The following NUMBL variants were observed in gnomAD, a reference collection of about 807,000 sequenced individuals.
The protein encoded by NUMBL is NUMB like endocytic adaptor protein, also known as numb-like protein.
In NUMBL, 20 loss-of-function variants were observed where a neutral mutation model predicts 48.9. The observed-to-expected ratio is 0.41, with a 90% confidence interval of 0.29 to 0.59. The LOEUF (loss-of-function observed/expected upper bound fraction) is 0.59. NUMBL is among the 20% of genes least tolerant of loss of function. NUMBL has a pLI of 0.31. For missense variants in NUMBL, 660 were observed against 846.2 expected (o/e 0.78, Z 2.73); for synonymous variants, 340 against 348.7 (o/e 0.98, Z 0.28).
At chr19:40,680,854 AG>A (rs1304061955) in intron 6 of NUMBL, 62 bp downstream of exon 6, 42 of 1,575,988 alleles carry the variant, frequency 2.7e-5, no homozygotes, top group Non-Finnish European at 3.6e-5. Context: ...GGAAGCTTGT[AG>A]GGGTGGGGCT....
intron 5 of NUMBL, 45 bp from the exon 6 acceptor site, chr19:40,681,102 T>A: frequency 6.3e-7 from 1 of 1,597,226 alleles, no homozygotes; most frequent in South Asian, 1.1e-5. Flanking sequence ...GAACTCTCTT[T>A]CAAGTGTTCA....
At chr19:40,680,768 T>C (rs2081900857) in intron 6 of NUMBL, 149 bp downstream of exon 6, 7 of 886,722 alleles carry the variant, frequency 7.9e-6, no homozygotes, top group African/African-American at 1.7e-5. Context: ...ATACTCTAAA[T>C]TGGGAACCGT....
In NUMBL at chr19:40,690,497, G is replaced by GC; in HGVS notation, c.-15dup. On this transcript the variant is annotated 5_prime_UTR_variant, in exon 1 of 10. Coordinates refer to ENST00000252891, the MANE Select transcript of NUMBL (RefSeq NM_004756.5). Reference sequence around the variant, plus strand: ...GCTGCGGGACATCCAGGGCCCGGGCGCCCCCGCCTCCCGCGGCCCTGGCTG... The same window carrying GC: ...GCTGCGGGACATCCAGGGCCCGGGCGCCCCCCGCCTCCCGCGGCCCTGGCTG... The GC allele has an allele frequency of 4.7e-6, 6 of 1,277,250 alleles. No homozygotes were observed. Among genetic ancestry groups the GC allele is most frequent in the South Asian group, 5.4e-5 (2 of 37,264 alleles). The allele number at this position is 1,277,250 out of a possible 1,614,324, so 79.1% of individuals were successfully genotyped here. A position where few individuals can be genotyped will look rare whatever the true frequency, so the allele number is the denominator to read the frequency against.
At chr19:40,679,401 G>A (rs766556725) in intron 6 of NUMBL, among the ~76,000 whole-genome samples, 9 of 152,006 alleles carry the variant, frequency 5.9e-5, no homozygotes, top group Admixed American at 1.3e-4. Context: ...AAACATTGCC[G>A]GGCAGGGTGG....
At chr19:40,677,847 A>T (rs912955863) in intron 6 of NUMBL, among the ~76,000 whole-genome samples, 1 of 151,888 alleles carries the variant, frequency 6.6e-6, no homozygotes, top group Non-Finnish European at 1.5e-5. Context: ...GATTCTGTCT[A>T]AAAAAAAGTC....
Position 40,680,900 on chromosome 19 carries a change from G to C in NUMBL, c.540+17C>G, listed in dbSNP as rs768048102. The C allele has an allele frequency of 1.2e-6, 2 of 1,614,058 alleles. No individual in the cohort carries two copies. Among genetic ancestry groups the C allele is most frequent in the African/African-American group, 1.3e-5 (1 of 75,048 alleles). ...GGGCATGGGAGGGAAGAGTTGGCCA[G>C]CTGTGGCAATACTCACGGAGTCCTT... On this transcript the variant is annotated intron_variant, in intron 6 of 9. Transcript: ENST00000252891.
chr19:40,673,758 G>T lies in NUMBL; in HGVS notation c.731-109C>A. 1 of 1,057,352 alleles carries T rather than the reference G, an allele frequency of 9.5e-7. No individual in the cohort carries two copies. The highest frequency in any genetic ancestry group is 1.3e-6 in the Non-Finnish European group (1 of 756,696). The allele number at this position is 1,057,352 out of a possible 1,614,324, so 65.5% of individuals were successfully genotyped here. A position where few individuals can be genotyped will look rare whatever the true frequency, so the allele number is the denominator to read the frequency against. On this transcript the variant is annotated intron_variant, in intron 7 of 9. Coordinates refer to ENST00000252891, the MANE Select transcript of NUMBL (RefSeq NM_004756.5). The surrounding 1 kb of genome is among the most constrained non-coding windows in gnomAD (Gnocchi z 5.9). ...CAAGGCTGCCTTCCTTGCCCAGTGA[G>T]TCCTGCCCTTAAGACAAGCTAGTCA...
At position 40,668,569 on chromosome 19, in the gene NUMBL, G is replaced by A. The variant is rs139645398; in HGVS notation, c.1160-431C>T. Reference sequence around the variant, plus strand: ...TGCCTCCCAGGTTCAAGCAATTCTCGTGCCTCAGTCTCCTGAGTAGCTGGG... The same window carrying A: ...TGCCTCCCAGGTTCAAGCAATTCTCATGCCTCAGTCTCCTGAGTAGCTGGG... On this transcript the variant is annotated intron_variant, in intron 9 of 9. Transcript: ENST00000252891. Among the ~76,000 whole-genome samples, 23 of 152,078 alleles carry A rather than the reference G, an allele frequency of 1.5e-4. No homozygotes were observed. In the East Asian group the frequency reaches 4.5e-3, roughly 29 times the overall value.
Position 40,670,769 on chromosome 19 carries a change from C to G in NUMBL, c.1037-749G>C, listed in dbSNP as rs545075257. On this transcript the variant is annotated intron_variant, in intron 8 of 9. Transcript: ENST00000252891. ...CAATGATTGTGCATGTTCGTCCAAA[C>G]AGGAATGCAGCTTCTGAGAGTGTGA... Among the ~76,000 whole-genome samples the G allele has an allele frequency of 6.6e-5, 10 of 152,272 alleles. 1 individual carries two copies. The highest frequency in any genetic ancestry group is 2.4e-4 in the African/African-American group (10 of 41,548).
At chr19:40,678,783 G>GCCTAC (rs1208027042) in intron 6 of NUMBL, among the ~76,000 whole-genome samples, 1 of 152,166 alleles carries the variant, frequency 6.6e-6, no homozygotes, top group African/African-American at 2.4e-5. Flanking sequence ...GTAGTCCAAT[G>GCCTAC]CCTACAAATT....
Position 40,673,628 on chromosome 19 carries a change from G to A in NUMBL, c.752C>T (p.Thr251Ile). The part of the protein sequence containing the change: ...KKKAEAAAAP[T>I]VAPGPAQPGH... ...AGGCTGGGCAGGGCCAGGAGCCACA[G>A]TGGGGGCAGCTGCTGCCTCTGCTGG... The change falls in exon 8 of 10, where the codon ACT becomes ATT. Residue 251 changes from threonine to isoleucine, a missense_variant. Coordinates refer to ENST00000252891, the MANE Select transcript of NUMBL (RefSeq NM_004756.5). This position sits in a 1 kb window ranked among gnomAD's most constrained non-coding sequence, Gnocchi z 5.9. 1 of 1,500,894 alleles carries A rather than the reference G, an allele frequency of 6.7e-7. No individual in the cohort carries two copies. The highest frequency in any genetic ancestry group is 8.9e-7 in the Non-Finnish European group (1 of 1,120,258). 93.0% of individuals were successfully genotyped at this position (1,500,894 alleles called of 1,614,324 possible).
In NUMBL at chr19:40,668,010, G is replaced by C. The variant is rs1179325911; in HGVS notation, c.1288C>G (p.Gln430Glu). The change falls in exon 10 of 10, where the codon CAG (glutamine) becomes GAG (glutamate). Residue 430 changes from glutamine (Q) to glutamate (E), a missense_variant. Coordinates refer to ENST00000252891, the MANE Select transcript of NUMBL (RefSeq NM_004756.5). The stretch of plus-strand genomic sequence containing the variant: ...TGCTGCTGTTGCTGTTGCTGCTGCT[G>C]CTGCTGCTGGGCCTTGGCCACCTGT... ...VSQVAKAQQQ[Q>E]QQQQQQQQQQ... The C allele has an allele frequency of 6.4e-7, 1 of 1,567,966 alleles. No homozygotes were observed. The highest frequency in any genetic ancestry group is 8.6e-7 in the Non-Finnish European group (1 of 1,156,686).
intron 2 of NUMBL, chr19:40,684,798 C>T: frequency 2.2e-6 from 1 of 461,974 alleles, no homozygotes; most frequent in Non-Finnish European, 3.8e-6. Context: ...AACCATGGGG[C>T]TAAGGGGCTG....
rs2081940673 is a variant in NUMBL at position 40,687,424 on chromosome 19, G to A, written c.25-429C>T. Among the ~76,000 whole-genome samples the A allele has an allele frequency of 6.6e-6, 1 of 152,156 alleles. No homozygotes were observed. Among genetic ancestry groups the A allele is most frequent in the African/African-American group, 2.4e-5 (1 of 41,414 alleles). ...ATACACAGAAACAGTCCCAAACCCAGAAAGCTGCCACTGTAAACATCTGGC... is the reference window on the plus strand; with the variant it reads ...ATACACAGAAACAGTCCCAAACCCAAAAAGCTGCCACTGTAAACATCTGGC... On this transcript the variant is annotated intron_variant, in intron 1 of 9. Transcript: ENST00000252891. This position sits in a 1 kb window ranked among gnomAD's most constrained non-coding sequence, Gnocchi z 4.6.
rs150655336 is a variant in NUMBL at position 40,689,460 on chromosome 19, C to T, written c.24+1000G>A. ...TTCCTCAGTCACCAGCTGCAGCGTA[C>T]GCGTGCACACACACACACACATACA... On this transcript the variant is annotated intron_variant, in intron 1 of 9. Coordinates refer to ENST00000252891, the MANE Select transcript of NUMBL (RefSeq NM_004756.5). 1.1e-3 allele frequency: 170 copies of T among 153,210 alleles called. No homozygotes were observed. In the Middle Eastern group the frequency reaches 0.024, roughly 21 times the overall value. The allele number at this position is 153,210 out of a possible 1,614,324, so 9.5% of individuals were successfully genotyped here.
chr19:40,676,691 C>CAA lies in NUMBL; in HGVS notation c.730+539_730+540dup, dbSNP rs550390367. Among the ~76,000 whole-genome samples, 159 of 82,830 alleles carry CAA rather than the reference C, an allele frequency of 1.9e-3. 1 individual carries two copies. Among genetic ancestry groups the CAA allele is most frequent in the Admixed American group, 8.8e-3 (74 of 8,394 alleles). The allele number at this position is 82,830 out of a possible 152,430, so 54.3% of individuals were successfully genotyped here. ...TGGTTGACAGAGCGAGACTCCGTCT[C>CAA]AAAAAAAAAAAAAAACAAACAAAAA... On this transcript the variant is annotated intron_variant, in intron 7 of 9. Transcript: ENST00000252891.
At chr19:40,679,137 C>T (rs1362222574) in intron 6 of NUMBL, among the ~76,000 whole-genome samples, 3 of 152,100 alleles carry the variant, frequency 2.0e-5, no homozygotes, top group Admixed American at 2.0e-4. Context: ...CGCCTGTAAT[C>T]CGAGCACTTT....
In NUMBL at chr19:40,682,988, G is replaced by GGC. The variant is rs754388486; in HGVS notation, c.250-21_250-20insGC. ...CAGGTACTTGGGTTGGAGGGAATGGGGGGGGGGACATGAAACAGCACAGTA... is the reference window on the plus strand; with the variant it reads ...CAGGTACTTGGGTTGGAGGGAATGGGGCGGGGGGGACATGAAACAGCACAGTA... On this transcript the variant is annotated intron_variant, in intron 3 of 9. Transcript: ENST00000252891. The surrounding 1 kb of genome is among the most constrained non-coding windows in gnomAD (Gnocchi z 4.0). The GGC allele has an allele frequency of 6.5e-5, 104 of 1,608,648 alleles. No individual in the cohort carries two copies. The East Asian group carries it at 8.5e-4, about 13-fold the overall frequency.
rs1279679625 is a variant in NUMBL at position 40,677,425 on chromosome 19, T to C, written c.541-4A>G. On this transcript the variant is annotated splice_region_variant and splice_polypyrimidine_tract_variant and intron_variant, in intron 6 of 9. Coordinates refer to ENST00000252891, the MANE Select transcript of NUMBL (RefSeq NM_004756.5). ...CAGCGTGGCTCAGCCTCTCGCCCTATGGGGAGAGGATGGGCGGGGGGGTTA... is the reference window on the plus strand; with the variant it reads ...CAGCGTGGCTCAGCCTCTCGCCCTACGGGGAGAGGATGGGCGGGGGGGTTA... 2 of 1,606,134 alleles carry C rather than the reference T, an allele frequency of 1.2e-6. No individual in the cohort carries two copies. The highest frequency in any genetic ancestry group is 1.7e-6 in the Non-Finnish European group (2 of 1,178,878).
Sources: allele counts gnomAD v4.1 joint callset (sites outside exome capture counted in the v4.1 genomes callset), GRCh38; gene constraint gnomAD v4.1.1; non-coding constraint Gnocchi (gnomAD v3.1); transcripts MANE v1.5; gene names NCBI Gene and HGNC (gene_info 2026-07-23, HGNC 2026-07-21).